The following SPATS2 variants were observed in gnomAD, a reference collection of about 807,000 sequenced individuals.
SPATS2 encodes spermatogenesis associated serine rich 2.
A neutral mutation model predicts 63.7 loss-of-function variants in SPATS2; 38 were observed. The observed-to-expected ratio is 0.60, with a 90% CI of 0.46 to 0.78. SPATS2 has a LOEUF of 0.78. Among genes scored for constraint, SPATS2 ranks in the 30% least tolerant of loss-of-function variants. SPATS2 has a pLI of 0.00. For missense variants in SPATS2, 588 were observed against 666.2 expected (o/e 0.88, Z 1.29); for synonymous variants, 207 against 232.9 (o/e 0.89, Z 1.01).
At chr12:49,374,273 C>G (rs1205859378) in intron 2 of SPATS2, among the ~76,000 whole-genome samples, 1 of 152,100 alleles carries the variant, frequency 6.6e-6, no homozygotes, top group Non-Finnish European at 1.5e-5. Flanking sequence ...GGACTGCAGG[C>G]ACACACCATG....
intron 12 of SPATS2, 130 bp downstream of exon 12, chr12:49,522,983 G>A (rs527933875): frequency 4.5e-5 from 32 of 706,034 alleles, no homozygotes; most frequent in African/African-American, 3.8e-4. Flanking sequence ...ACTAACTCTA[G>A]GATGCTTATG....
At position 49,480,795 on chromosome 12, in the gene SPATS2, GTT is replaced by G. The variant is rs536886677; in HGVS notation, c.26-3784_26-3783del. Among the ~76,000 whole-genome samples, 76 of 140,926 alleles carry G rather than the reference GTT, an allele frequency of 5.4e-4. No homozygotes were observed. The South Asian group carries it at 0.013, about 24-fold the overall frequency. 92.5% of individuals were successfully genotyped at this position (140,926 alleles called of 152,430 possible). A position where few individuals can be genotyped will look rare whatever the true frequency, so the allele number is the denominator to read the frequency against. On this transcript the variant is annotated intron_variant, in intron 3 of 13. Transcript: ENST00000552918. ...ATTCTTGCCACACTTGTTGTTTTCT[GTT>G]TTTTTTTTTTAATAAATAAATATGC...
chr12:49,416,598 C>T (rs1009794278), intron 2 of SPATS2, among the ~76,000 whole-genome samples: 4 of 152,100 alleles, frequency 2.6e-5, no homozygotes, highest in Non-Finnish European at 4.4e-5. Context: ...AGCAATTCTC[C>T]TGCCTCAGCC....
At chr12:49,400,418 A>T (rs908561311) in intron 2 of SPATS2, among the ~76,000 whole-genome samples, 4 of 152,168 alleles carry the variant, frequency 2.6e-5, no homozygotes, top group Non-Finnish European at 5.9e-5. Flanking sequence ...GTTATGGCTT[A>T]TCTTTTTCAG....
chr12:49,519,148 A>C lies in SPATS2; in HGVS notation c.974A>C (p.Glu325Ala), dbSNP rs764342680. The C allele has an allele frequency of 3.7e-6, 6 of 1,614,126 alleles. No individual in the cohort carries two copies. The Admixed American group carries it at 1.0e-4, about 27-fold the overall frequency. Residue 325 changes from glutamate (E) to alanine (A), a missense_variant, in exon 11 of 14, where the codon GAG (glutamate) becomes GCG (alanine). By Grantham distance (107) the Glu-to-Ala change is moderately radical. Coordinates refer to ENST00000552918, the MANE Select transcript of SPATS2 (RefSeq NM_023071.4). ...KMTHVAVQMSEQQLVELRADI... is the reference protein window; with the variant it reads ...KMTHVAVQMSAQQLVELRADI... ...ACTCATGTGGCTGTTCAAATGTCAG[A>C]GCAGCAATTGGTTGAGCTCAGAGCT... is the stretch of plus-strand genomic sequence containing the variant.
At chr12:49,426,226 A>G (rs1945073579) in intron 2 of SPATS2, among the ~76,000 whole-genome samples, 1 of 151,582 alleles carries the variant, frequency 6.6e-6, no homozygotes, top group Non-Finnish European at 1.5e-5. Flanking sequence ...TTGATGTGTA[A>G]TACACACAAA....
intron 2 of SPATS2, among the ~76,000 whole-genome samples, chr12:49,378,256 T>C (rs572715068): frequency 2.1e-5 from 3 of 145,616 alleles, no homozygotes; most frequent in African/African-American, 7.7e-5. Flanking sequence ...TTATTTTGAG[T>C]TAATGTTTAT....
At chr12:49,515,122 T>TA (rs1946816835) in intron 10 of SPATS2, among the ~76,000 whole-genome samples, 2 of 152,348 alleles carry the variant, frequency 1.3e-5, no homozygotes, top group East Asian at 3.9e-4. Flanking sequence ...GGGTTCAAGA[T>TA]ACCAGGTTTC....
intron 2 of SPATS2, among the ~76,000 whole-genome samples, chr12:49,427,785 C>T (rs1281766437): frequency 6.6e-6 from 1 of 152,036 alleles, no homozygotes; most frequent in East Asian, 1.9e-4. Flanking sequence ...GGCATAAGGT[C>T]ATCTATATTT....
At position 49,381,898 on chromosome 12, in the gene SPATS2, C is replaced by T. The variant is rs188335775; in HGVS notation, c.-244+10608C>T. ...CTACCAGGTTTATAGGTAGATATGC[C>T]GTTTCATTATATCGTGATTTGGAGT... is the stretch of plus-strand genomic sequence containing the variant. On this transcript the variant is annotated intron_variant, in intron 2 of 13. Transcript: ENST00000552918. 9.2e-5 allele frequency among the ~76,000 whole-genome samples: 14 copies of T among 152,182 alleles called. No homozygotes were observed. The East Asian group carries it at 2.5e-3, about 27-fold the overall frequency.
intron 2 of SPATS2, chr12:49,442,617 C>A: frequency 6.4e-6 from 1 of 155,112 alleles, no homozygotes. Flanking sequence ...TCGTTTCCCC[C>A]TTTGCAGGAG....
chr12:49,372,689 T>A (rs960860684), intron 2 of SPATS2, among the ~76,000 whole-genome samples: 3 of 152,176 alleles, frequency 2.0e-5, no homozygotes, highest in African/African-American at 7.2e-5. Context: ...TGCTGCTTAC[T>A]GCTTACCTTC....
intron 3 of SPATS2, among the ~76,000 whole-genome samples, chr12:49,478,744 T>C (rs996678811): frequency 2.6e-5 from 4 of 152,192 alleles, no homozygotes; most frequent in African/African-American, 9.7e-5. Flanking sequence ...TTCTGGTCTT[T>C]CTTTGGCCAT....
chr12:49,525,064 C>G (rs1412716052), intron 13 of SPATS2, among the ~76,000 whole-genome samples, 168 bp downstream of exon 13: 1 of 152,242 alleles, frequency 6.6e-6, no homozygotes, highest in Non-Finnish European at 1.5e-5. Context: ...TACGTATGTT[C>G]CAAACTGCCA....
At chr12:49,401,729 A>C (rs1035710311) in intron 2 of SPATS2, among the ~76,000 whole-genome samples, 4 of 151,882 alleles carry the variant, frequency 2.6e-5, no homozygotes, top group Non-Finnish European at 4.4e-5. Context: ...ACAGGGTCTC[A>C]CTCTGTCGCC....
intron 2 of SPATS2, among the ~76,000 whole-genome samples, chr12:49,439,121 C>T (rs540768380): frequency 2.0e-5 from 3 of 152,124 alleles, no homozygotes; most frequent in Non-Finnish European, 4.4e-5. Context: ...AGAGAGAGAA[C>T]GATTCATGTG....
chr12:49,484,662 A>G lies in SPATS2; in HGVS notation c.98A>G (p.Lys33Arg), dbSNP rs1363850695. The part of the protein sequence containing the change: ...LAQGGAFENM[K>R]EKINAVRAIV... Reference sequence around the variant, plus strand: ...CAGGGAGGAGCTTTTGAGAACATGAAAGAGAAGGTAAGACTAGTCACTATG... The same window carrying G: ...CAGGGAGGAGCTTTTGAGAACATGAGAGAGAAGGTAAGACTAGTCACTATG... The change falls in exon 4 of 14, where the codon AAA (lysine) becomes AGA (arginine). Residue 33 changes from lysine to arginine, a missense_variant. Lys to Arg is a conservative substitution (Grantham distance 26). Transcript: ENST00000552918. The G allele has an allele frequency of 6.2e-7, 1 of 1,613,936 alleles. No homozygotes were observed. Among genetic ancestry groups the G allele is most frequent in the Admixed American group, 1.7e-5 (1 of 60,024 alleles).
chr12:49,508,444 G>GTGATCCGCC (rs1365323155), intron 9 of SPATS2, among the ~76,000 whole-genome samples: 7 of 152,130 alleles, frequency 4.6e-5, no homozygotes, highest in Admixed American at 4.6e-4. Context: ...CTGACCTCAG[G>GTGATCCGCC]TGATCCGCCT....
chr12:49,430,599 A>G (rs1945169027), intron 2 of SPATS2, among the ~76,000 whole-genome samples: 1 of 152,056 alleles, frequency 6.6e-6, no homozygotes, highest in Non-Finnish European at 1.5e-5. Flanking sequence ...TCTTCTTGAC[A>G]CATTTCATGA....
Sources: gnomAD v4.1 joint callset for allele counts (sites outside exome capture counted in the v4.1 genomes callset) on GRCh38, gnomAD v4.1.1 for gene constraint, MANE v1.5 for transcripts, NCBI Gene and HGNC (gene_info 2026-07-23, HGNC 2026-07-21) for gene names.